Variants in PLXNB1 observed in about 807,000 individuals in gnomAD.
The protein encoded by PLXNB1 is plexin-B1.
In PLXNB1, 106 loss-of-function variants were observed where a neutral mutation model predicts 209.4. The observed-to-expected ratio is 0.51, with a 90% CI of 0.43 to 0.59. The LOEUF is 0.59. Among genes scored for constraint, PLXNB1 ranks in the 20% least tolerant of loss-of-function variants. PLXNB1 has a pLI of 0.00. For missense variants in PLXNB1, 2,357 were observed against 2,853.2 expected (o/e 0.83, Z 3.96); for synonymous variants, 1,167 against 1,183.2 (o/e 0.99, Z 0.28).
At chr3:48,427,012 G>A (rs542221056) in intron 1 of PLXNB1, among the ~76,000 whole-genome samples, 3 of 152,232 alleles carry the variant, frequency 2.0e-5, no homozygotes, top group South Asian at 2.1e-4. Flanking sequence ...TGGGCACAGG[G>A]TCCCATAGTT....
chr3:48,414,727 G>C, intron 21 of PLXNB1, 72 bp downstream of exon 21: 1 of 1,552,322 alleles, frequency 6.4e-7, no homozygotes, highest in Non-Finnish European at 8.7e-7. Context: ...CGGCCTCTCC[G>C]CCACACACAG....
Position 48,409,352 on chromosome 3 carries a change from G to T in PLXNB1, c.6064C>A (p.Leu2022Met). 6.2e-7 allele frequency: 1 copy of T among 1,614,160 alleles called. No individual in the cohort carries two copies. Among genetic ancestry groups the T allele is most frequent in the Non-Finnish European group, 8.5e-7 (1 of 1,180,034 alleles). The change falls in exon 34 of 38, where the codon CTG (leucine) becomes ATG (methionine). Residue 2022 changes from leucine to methionine, a missense_variant. Physicochemically the swap from Leu to Met is conservative, Grantham distance 15. This residue lies in a region of PLXNB1 where 414 missense variants were observed against 520.5 expected (regional missense o/e 0.80). Transcript: ENST00000296440. This position sits in a 1 kb window ranked among gnomAD's most constrained non-coding sequence, Gnocchi z 5.8. ...ACCCGGCCCAGCTTGTGGTCGGCCA[G>T]GGTGCAGGCGTCCATGAAGGTCTGT... is the stretch of plus-strand genomic sequence containing the variant. ...IAQTFMDACT[L>M]ADHKLGRDSP...
chr3:48,428,631 C>T (rs2039017774), intron 1 of PLXNB1, among the ~76,000 whole-genome samples: 2 of 152,204 alleles, frequency 1.3e-5, no homozygotes. Flanking sequence ...CCCTCCTGCT[C>T]AGCTCCCAGG....
In PLXNB1 at chr3:48,423,500, C is replaced by T; in HGVS notation, c.1107+5G>A. 1 of 1,608,884 alleles carries T rather than the reference C, an allele frequency of 6.2e-7. No individual in the cohort carries two copies. The highest frequency in any genetic ancestry group is 8.5e-7 in the Non-Finnish European group (1 of 1,175,774). ...GCGGAAAAGTGGGGCAATACTGGAA[C>T]TCACCACTGGCAGCTGTGCACAGTC... is the stretch of plus-strand genomic sequence containing the variant. On this transcript the variant is annotated splice_donor_5th_base_variant and intron_variant, in intron 3 of 37. Transcript: ENST00000296440.
intron 8 of PLXNB1, 54 bp from the exon 9 acceptor site, chr3:48,421,010 C>A (rs1200944691): frequency 1.4e-6 from 2 of 1,459,704 alleles, no homozygotes; most frequent in African/African-American, 1.4e-5. Flanking sequence ...GCACTCAGAC[C>A]CAGAGCCGAT....
intron 3 of PLXNB1, 135 bp downstream of exon 3, chr3:48,423,370 C>G: frequency 1.0e-6 from 1 of 952,792 alleles, no homozygotes; most frequent in Non-Finnish European, 1.6e-6. Flanking sequence ...ACATAGGAAG[C>G]ACTTAATATT....
rs111449580 is a variant in PLXNB1 at position 48,419,686 on chromosome 3, G to A, written c.2600C>T (p.Thr867Ile). The change falls in exon 11 of 38, where the codon ACC becomes ATC. Residue 867 changes from threonine (T) to isoleucine (I), a missense_variant. Physicochemically the swap from Thr to Ile is moderately conservative, Grantham distance 89. Around this residue, in one of 7 missense-constraint regions of PLXNB1, gnomAD observed 410 missense variants for 401.0 expected, o/e 1.02. Transcript: ENST00000296440. The surrounding 1 kb of genome is among the most constrained non-coding windows in gnomAD (Gnocchi z 5.7). ...TGAGTCTCCATCACCTGAGAGGAGG[G>A]TGGAAGTGGAGAAGGCGGGTGCGTC... The part of the protein sequence containing the change: ...GGDAPAFSTS[T>I]LLSGDGDSAE... 2 of 1,612,592 alleles carry A rather than the reference G, an allele frequency of 1.2e-6. No homozygotes were observed. Among genetic ancestry groups the A allele is most frequent in the Non-Finnish European group, 1.7e-6 (2 of 1,179,942 alleles).
In PLXNB1 at chr3:48,404,232, C is replaced by T. The variant is rs2037175907; in HGVS notation, c.*254G>A. 4.0e-6 allele frequency: 2 copies of T among 496,564 alleles called. No individual in the cohort carries two copies. Among genetic ancestry groups the T allele is most frequent in the South Asian group, 6.1e-5 (2 of 32,828 alleles). 30.8% of individuals were successfully genotyped at this position (496,564 alleles called of 1,614,324 possible). On this transcript the variant is annotated 3_prime_UTR_variant, in exon 38 of 38. Transcript: ENST00000296440. The stretch of plus-strand genomic sequence containing the variant: ...CTCTCTGGAAGCCCTTAGTCCCCAA[C>T]TCCCTGCAGACCGGTGTCACAGGGT...
At position 48,416,105 on chromosome 3, in the gene PLXNB1, G is replaced by T; in HGVS notation, c.3543C>A (p.Thr1181=). ...CAGTCAGGAGCTTGGAGCCATTCAG[G>T]GTGAGACGGGTGCCCCCAGCTCTGG... is the stretch of plus-strand genomic sequence containing the variant. ...RGPRAGGTRL[T]LNGSKLLTGR... Residue 1181 remains threonine, a synonymous_variant, in exon 18 of 38, where the codon ACC becomes ACA. Coordinates refer to ENST00000296440, the MANE Select transcript of PLXNB1 (RefSeq NM_001130082.3). This position sits in a 1 kb window ranked among gnomAD's most constrained non-coding sequence, Gnocchi z 4.1. The T allele has an allele frequency of 4.4e-6, 7 of 1,599,086 alleles. No individual in the cohort carries two copies. Among genetic ancestry groups the T allele is most frequent in the Non-Finnish European group, 6.0e-6 (7 of 1,173,108 alleles).
rs377394579 is a variant in PLXNB1, at chr3:48,421,340, C to T, written c.1698G>A (p.Glu566=). 3.8e-5 allele frequency: 60 copies of T among 1,573,450 alleles called. No individual in the cohort carries two copies. Among genetic ancestry groups the T allele is most frequent in the Non-Finnish European group, 5.1e-5 (59 of 1,157,014 alleles). ...VPDLPPLWPG[E]SYSCHFGEHQ... is the part of the protein sequence containing the mutation. Reference sequence around the variant, plus strand: ...GTTCCCCAAAGTGGCAGGAATATGACTCCCCTGGCCACAGGGGTGGCAGGT... The same window carrying T: ...GTTCCCCAAAGTGGCAGGAATATGATTCCCCTGGCCACAGGGGTGGCAGGT... The change falls in exon 8 of 38, where the codon GAG becomes GAA. Residue 566 remains glutamate (E), a synonymous_variant. Transcript: ENST00000296440.
chr3:48,420,172 G>A lies in PLXNB1; in HGVS notation c.2114C>T (p.Ala705Val), dbSNP rs1319157331. 6.3e-7 allele frequency: 1 copy of A among 1,583,636 alleles called. No individual in the cohort carries two copies. Among genetic ancestry groups the A allele is most frequent in the East Asian group, 2.3e-5 (1 of 44,096 alleles). The change falls in exon 11 of 38, where the codon GCT becomes GTT. Residue 705 changes from alanine to valine, a missense_variant. This residue lies in a region of PLXNB1 where 410 missense variants were observed against 401.0 expected (regional missense o/e 1.02). Transcript: ENST00000296440. ...PTAPKALATP[A>V]PDTLPVEPGA... Reference sequence around the variant, plus strand: ...AGGCTCCACGGGAAGGGTGTCAGGAGCAGGGGTGGCCAGGGCTTTGGGGGC... The same window carrying A: ...AGGCTCCACGGGAAGGGTGTCAGGAACAGGGGTGGCCAGGGCTTTGGGGGC...
At position 48,419,824 on chromosome 3, in the gene PLXNB1, G is replaced by T. The variant is rs945845762; in HGVS notation, c.2462C>A (p.Ala821Asp). The T allele has an allele frequency of 6.3e-7, 1 of 1,582,140 alleles. No homozygotes were observed. The highest frequency in any genetic ancestry group is 1.7e-4 in the Middle Eastern group (1 of 5,964). Residue 821 changes from alanine (A) to aspartate (D), a missense_variant, in exon 11 of 38, where the codon GCC becomes GAC. Ala to Asp is a moderately radical substitution (Grantham distance 126, BLOSUM62 -2). Transcript: ENST00000296440. This position sits in a 1 kb window ranked among gnomAD's most constrained non-coding sequence, Gnocchi z 5.7. ...HPTVPLDLPPATVPATTFPGA... is the reference protein window; with the variant it reads ...HPTVPLDLPPDTVPATTFPGA... ...TGGGAAAGTGGTGGCAGGAACAGTG[G>T]CAGGGGGCAGGTCCAGGGGCACTGT...
Position 48,419,232 on chromosome 3 carries a change from G to A in PLXNB1, c.2832+12C>T, listed in dbSNP as rs774632811. The A allele has an allele frequency of 1.9e-6, 3 of 1,557,292 alleles. No homozygotes were observed. The highest frequency in any genetic ancestry group is 2.4e-5 in the South Asian group (2 of 82,826). The stretch of plus-strand genomic sequence containing the variant: ...GAGGCTGCAAGGACAGCGGCAGGCA[G>A]GACACACTGACCTGGAAAAGGTGCA... On this transcript the variant is annotated intron_variant, in intron 12 of 37. Coordinates refer to ENST00000296440, the MANE Select transcript of PLXNB1 (RefSeq NM_001130082.3). The surrounding 1 kb of genome is among the most constrained non-coding windows in gnomAD (Gnocchi z 5.7).
chr3:48,416,560 T>C lies in PLXNB1; in HGVS notation c.3375-109A>G. 2 of 655,746 alleles carry C rather than the reference T, an allele frequency of 3.0e-6. No individual in the cohort carries two copies. Among genetic ancestry groups the C allele is most frequent in the Non-Finnish European group, 5.3e-6 (2 of 380,766 alleles). 40.6% of individuals were successfully genotyped at this position (655,746 alleles called of 1,614,324 possible). On this transcript the variant is annotated intron_variant, in intron 16 of 37. Transcript: ENST00000296440. This position sits in a 1 kb window ranked among gnomAD's most constrained non-coding sequence, Gnocchi z 4.1. ...CTGTCAGGTGGTCTTCCCCTTCCCA[T>C]GCTCCATAAGATTGACAGAGACCCT... is the stretch of plus-strand genomic sequence containing the variant.
Position 48,417,860 on chromosome 3 carries a change from C to A in PLXNB1, c.3374+51G>T, listed in dbSNP as rs1385943508. ...GGGAGGCCCCAAGCAGCAACGCCAACCGCGGAGGCCCCAGGCTGCGCCGTG... is the reference window on the plus strand; with the variant it reads ...GGGAGGCCCCAAGCAGCAACGCCAAACGCGGAGGCCCCAGGCTGCGCCGTG... On this transcript the variant is annotated intron_variant, in intron 16 of 37. Transcript: ENST00000296440. The surrounding 1 kb of genome is among the most constrained non-coding windows in gnomAD (Gnocchi z 4.4). 2 of 1,559,524 alleles carry A rather than the reference C, an allele frequency of 1.3e-6. No homozygotes were observed. The highest frequency in any genetic ancestry group is 4.5e-5 in the East Asian group (2 of 44,194).
In PLXNB1 at chr3:48,411,790, C is replaced by T; in HGVS notation, c.5247+73G>A. On this transcript the variant is annotated intron_variant, in intron 28 of 37. Transcript: ENST00000296440. The surrounding 1 kb of genome is among the most constrained non-coding windows in gnomAD (Gnocchi z 4.0). ...ACATCAGAAGCTGGTGTCCAGACCC[C>T]ACACACCCACACACTCTCCACCCTC... 1.3e-6 allele frequency: 2 copies of T among 1,521,926 alleles called. No homozygotes were observed. Among genetic ancestry groups the T allele is most frequent in the African/African-American group, 2.7e-5 (2 of 73,436 alleles). The allele number at this position is 1,521,926 out of a possible 1,614,324, so 94.3% of individuals were successfully genotyped here.
chr3:48,415,754 G>A lies in PLXNB1; in HGVS notation c.3623C>T (p.Pro1208Leu), dbSNP rs986979403. 1.7e-5 allele frequency: 26 copies of A among 1,542,240 alleles called. No homozygotes were observed. Among genetic ancestry groups the A allele is most frequent in the Admixed American group, 2.0e-5 (1 of 50,762 alleles). ...VVGDQPCHLL[P>L]EQQSEQLRCE... ...CCGCAGTTGTTCTGACTGCTGCTCC[G>A]GCAGCCTGGGAGGGGAGGTGGGAAT... Residue 1208 changes from proline to leucine, a missense_variant, in exon 19 of 38, where the codon CCG becomes CTG. Pro to Leu is a moderately conservative substitution (Grantham distance 98). Around this residue, in one of 7 missense-constraint regions of PLXNB1, gnomAD observed 743 missense variants for 896.2 expected, o/e 0.83. Transcript: ENST00000296440. The surrounding 1 kb of genome is among the most constrained non-coding windows in gnomAD (Gnocchi z 5.0).
intron 1 of PLXNB1, among the ~76,000 whole-genome samples, chr3:48,425,595 G>C (rs539764302): frequency 6.6e-6 from 1 of 152,104 alleles, no homozygotes; most frequent in South Asian, 2.1e-4. Flanking sequence ...GGAGCCCCGT[G>C]GCTGGCAGGG....
At position 48,423,062 on chromosome 3, in the gene PLXNB1, C is replaced by G. The variant is rs1433214671; in HGVS notation, c.1108-115G>C. On this transcript the variant is annotated intron_variant, in intron 3 of 37. Transcript: ENST00000296440. The stretch of plus-strand genomic sequence containing the variant: ...CGCTCTGGTAGCTCTCCCTGTACAA[C>G]TGTGTTTTCTCTGCTGGCCCTCCTG... 5 of 883,630 alleles carry G rather than the reference C, an allele frequency of 5.7e-6. No homozygotes were observed. In the East Asian group the frequency reaches 1.3e-4, roughly 23 times the overall value. 54.7% of individuals were successfully genotyped at this position (883,630 alleles called of 1,614,324 possible).
Sources: allele counts gnomAD v4.1 joint callset (sites outside exome capture counted in the v4.1 genomes callset), GRCh38; gene constraint gnomAD v4.1.1; regional missense constraint gnomAD v4.1.1; non-coding constraint Gnocchi (gnomAD v3.1); transcripts MANE v1.5; gene names NCBI Gene and HGNC (gene_info 2026-07-23, HGNC 2026-07-21).